Variants in ANKFY1 observed in about 807,000 individuals in gnomAD.
ANKFY1 encodes the protein ankyrin repeat and FYVE domain-containing protein 1.
ANKFY1 carries 47 observed loss-of-function variants against 128.3 expected under a neutral mutation model. That is an observed-to-expected ratio of 0.37 (90% CI 0.29 to 0.47). ANKFY1 has a LOEUF of 0.47. ANKFY1 is among the 20% of genes least tolerant of loss of function. ANKFY1 has a pLI of 1.00. For missense variants in ANKFY1, 1,222 were observed against 1,510.6 expected (o/e 0.81, Z 3.17); for synonymous variants, 553 against 601.6 (o/e 0.92, Z 1.18).
At chr17:4,260,459 A>G (rs967023790) in intron 1 of ANKFY1, among the ~76,000 whole-genome samples, 11 of 151,946 alleles carry the variant, frequency 7.2e-5, no homozygotes, top group Admixed American at 2.0e-4. Context: ...TCTACAAAAA[A>G]TACAAAAATT....
At position 4,263,942 on chromosome 17, in the gene ANKFY1, G is replaced by C. The variant is rs768321562; in HGVS notation, c.-1C>G. ...ACAAAAAAACCCTACCTTCCGCCAT[G>C]TCTGGCCCGGCACTGCCTGCAACCT... On this transcript the variant is annotated 5_prime_UTR_variant, in exon 1 of 25. Transcript: ENST00000341657. 7 of 1,614,010 alleles carry C rather than the reference G, an allele frequency of 4.3e-6. No homozygotes were observed. The highest frequency in any genetic ancestry group is 5.9e-6 in the Non-Finnish European group (7 of 1,179,954).
rs75368912 is a variant in ANKFY1 at position 4,180,909 on chromosome 17, C to T, written c.2240+345G>A. The T allele has an allele frequency of 3.6e-3, 755 of 207,612 alleles. 8 individuals are homozygous for T. The highest frequency in any genetic ancestry group is 0.016 in the African/African-American group (719 of 44,184). 12.9% of individuals were successfully genotyped at this position (207,612 alleles called of 1,614,324 possible). ...ACAGAGCCTGTTACGACTCACACAT[C>T]GTGGTGGGGTCCTGCAGAGACCATC... On this transcript the variant is annotated intron_variant, in intron 16 of 24. Coordinates refer to ENST00000341657, the MANE Select transcript of ANKFY1 (RefSeq NM_001330063.2).
At chr17:4,254,909 T>C (rs1968035448) in intron 1 of ANKFY1, among the ~76,000 whole-genome samples, 1 of 152,184 alleles carries the variant, frequency 6.6e-6, no homozygotes, top group Admixed American at 6.5e-5. Context: ...TGAAACTCAC[T>C]TAAGTGAGTT....
chr17:4,212,130 C>T (rs1025001175), intron 4 of ANKFY1, among the ~76,000 whole-genome samples: 5 of 152,168 alleles, frequency 3.3e-5, no homozygotes, highest in African/African-American at 1.2e-4. Context: ...CCCTTCACCT[C>T]CCTCGCCTCC....
intron 3 of ANKFY1, among the ~76,000 whole-genome samples, chr17:4,230,474 A>G (rs1215400836): frequency 1.3e-5 from 2 of 152,228 alleles, no homozygotes. Context: ...GAGAGGCCAT[A>G]AACAGATCAT....
chr17:4,186,815 CA>C lies in ANKFY1; in HGVS notation c.1471-1770del, dbSNP rs113361881. On this transcript the variant is annotated intron_variant, in intron 11 of 24. Coordinates refer to ENST00000341657, the MANE Select transcript of ANKFY1 (RefSeq NM_001330063.2). ...ACTCCACGGCTTCTGCCATTATCTG[CA>C]AGGAAGAGACTCTCAAACCCAGGTC... 7.1e-4 allele frequency: 709 copies of C among 992,500 alleles called. 5 individuals carry two copies. In the African/African-American group the frequency reaches 0.012, roughly 16 times the overall value. The allele number at this position is 992,500 out of a possible 1,614,324, so 61.5% of individuals were successfully genotyped here.
chr17:4,247,954 C>T (rs996712136), intron 1 of ANKFY1, among the ~76,000 whole-genome samples: 5 of 152,152 alleles, frequency 3.3e-5, no homozygotes, highest in Non-Finnish European at 7.3e-5. Flanking sequence ...AAAGGCAACC[C>T]GGGGTAGTCA....
chr17:4,173,210 C>G, intron 21 of ANKFY1, 144 bp downstream of exon 21: 1 of 692,782 alleles, frequency 1.4e-6, no homozygotes, highest in South Asian at 1.7e-5. Context: ...CCAAAAGTAC[C>G]AAAATAAAGT....
chr17:4,261,251 G>A (rs1428590330), intron 1 of ANKFY1, among the ~76,000 whole-genome samples: 1 of 152,216 alleles, frequency 6.6e-6, no homozygotes, highest in African/African-American at 2.4e-5. Context: ...CACTTTGGGA[G>A]GCCGAGGCCG....
intron 10 of ANKFY1, among the ~76,000 whole-genome samples, chr17:4,193,752 T>C (rs2059761439): frequency 6.6e-6 from 1 of 150,460 alleles, no homozygotes; most frequent in Non-Finnish European, 1.5e-5. Context: ...TTTATTTTAT[T>C]TTAATTAATT....
intron 1 of ANKFY1, among the ~76,000 whole-genome samples, chr17:4,252,576 T>C (rs939327074): frequency 1.3e-5 from 2 of 150,550 alleles, no homozygotes; most frequent in African/African-American, 2.5e-5. Context: ...AAAAAAAAAA[T>C]TGGAGAACTA....
At chr17:4,185,970 T>C (rs2059604265) in intron 11 of ANKFY1, among the ~76,000 whole-genome samples, 1 of 151,984 alleles carries the variant, frequency 6.6e-6, no homozygotes, top group African/African-American at 2.4e-5. Context: ...AAGACCTCCT[T>C]CTCCTACTTT....
At chr17:4,238,618 T>A (rs1967039539) in intron 2 of ANKFY1, among the ~76,000 whole-genome samples, 1 of 148,566 alleles carries the variant, frequency 6.7e-6, no homozygotes, top group Non-Finnish European at 1.5e-5. Flanking sequence ...GGATTACAGG[T>A]GCGCGCCACC....
chr17:4,211,659 C>G (rs917847922), intron 4 of ANKFY1, among the ~76,000 whole-genome samples: 3 of 151,336 alleles, frequency 2.0e-5, no homozygotes, highest in Non-Finnish European at 4.4e-5. Context: ...CTTGTGGCCA[C>G]GAGTTCAAGA....
At chr17:4,197,143 C>CA (rs1355024532) in intron 8 of ANKFY1, among the ~76,000 whole-genome samples, 4 of 151,754 alleles carry the variant, frequency 2.6e-5, no homozygotes, top group South Asian at 2.1e-4. Flanking sequence ...AAACAACACA[C>CA]AAAAAAAACC....
chr17:4,217,686 A>T lies in ANKFY1; in HGVS notation c.323-568T>A, dbSNP rs968025532. Among the ~76,000 whole-genome samples, 50 of 150,324 alleles carry T rather than the reference A, an allele frequency of 3.3e-4. 1 individual carries two copies. The highest frequency in any genetic ancestry group is 8.9e-5 in the Non-Finnish European group (6 of 67,440). ...AAACATATGACAAAGAATTAACATT[A>T]TTTTTTTTTTCTTTTTGAGACAGGG... On this transcript the variant is annotated intron_variant, in intron 3 of 24. Transcript: ENST00000341657.
At chr17:4,246,050 A>G (rs916455301) in intron 1 of ANKFY1, among the ~76,000 whole-genome samples, 1 of 152,174 alleles carries the variant, frequency 6.6e-6, no homozygotes, top group Non-Finnish European at 1.5e-5. Flanking sequence ...CTCAAAAAAC[A>G]AACAACAACA....
At chr17:4,184,022 C>T in intron 12 of ANKFY1, 112 bp from the exon 13 acceptor site, 1 of 828,052 alleles carries the variant, frequency 1.2e-6, no homozygotes, top group East Asian at 2.5e-5. Flanking sequence ...ATGATCAATG[C>T]TATAAAAAGA....
chr17:4,221,648 T>C (rs1040720857), intron 3 of ANKFY1, among the ~76,000 whole-genome samples: 1 of 152,196 alleles, frequency 6.6e-6, no homozygotes, highest in African/African-American at 2.4e-5. Context: ...GGTCAGAGTC[T>C]CACTCTGTTA....
Sources: allele counts gnomAD v4.1 joint callset (sites outside exome capture counted in the v4.1 genomes callset), GRCh38; gene constraint gnomAD v4.1.1; transcripts MANE v1.5; gene names NCBI Gene and HGNC (gene_info 2026-07-23, HGNC 2026-07-21).